Variants in ANO4 observed in about 807,000 individuals in gnomAD.
ANO4 encodes the protein anoctamin 4.
A neutral mutation model predicts 141.9 loss-of-function variants in ANO4; 69 were observed. That is an observed-to-expected ratio of 0.49 (90% CI 0.40 to 0.59). The LOEUF (loss-of-function observed/expected upper bound fraction) is 0.59, where lower values mean the gene tolerates loss of function less well. Among genes scored for constraint, ANO4 ranks in the 20% least tolerant of loss-of-function variants. ANO4 has a pLI of 0.00. For synonymous variants in ANO4, 350 were observed against 394.3 expected (o/e 0.89, Z 1.33); for missense variants, 894 against 1,162.2 (o/e 0.77, Z 3.36).
At chr12:100,837,833 ATTATTT>A (rs2037019483) in intron 1 of ANO4, among the ~76,000 whole-genome samples, 1 of 151,846 alleles carries the variant, frequency 6.6e-6, no homozygotes, top group Non-Finnish European at 1.5e-5. Flanking sequence ...GCTTCAACAG[ATTATTT>A]TTCTTTAGAT....
At chr12:100,976,603 G>T (rs2044206322) in intron 7 of ANO4, among the ~76,000 whole-genome samples, 1 of 152,204 alleles carries the variant, frequency 6.6e-6, no homozygotes, top group Non-Finnish European at 1.5e-5. Flanking sequence ...CAGTAGATCT[G>T]CAGTGGGGAT....
At chr12:101,114,162 C>T (rs2050765123) in intron 24 of ANO4, among the ~76,000 whole-genome samples, 1 of 152,176 alleles carries the variant, frequency 6.6e-6, no homozygotes, top group Non-Finnish European at 1.5e-5. Flanking sequence ...TGTGACCTTC[C>T]TGCTATAACA....
At chr12:100,970,770 G>A (rs1337930461) in intron 5 of ANO4, among the ~76,000 whole-genome samples, 1 of 148,368 alleles carries the variant, frequency 6.7e-6, no homozygotes, top group Non-Finnish European at 1.5e-5. Context: ...CCAGATTAGA[G>A]TGCAGTGGCA....
At chr12:100,854,858 AGTT>A (rs748799971) in intron 1 of ANO4, among the ~76,000 whole-genome samples, 48 of 151,888 alleles carry the variant, frequency 3.2e-4, no homozygotes, top group Admixed American at 1.4e-3. Context: ...AAGTTTTGAT[AGTT>A]GTTGTTTGTA....
intron 1 of ANO4, among the ~76,000 whole-genome samples, chr12:100,813,310 C>T (rs2135711624): frequency 6.6e-6 from 1 of 152,302 alleles, no homozygotes; most frequent in African/African-American, 2.4e-5. Context: ...GGGTGATCCT[C>T]TCCAAGGGCT....
intron 9 of ANO4, among the ~76,000 whole-genome samples, chr12:101,020,777 G>T (rs2046492903): frequency 6.6e-6 from 1 of 152,168 alleles, no homozygotes; most frequent in Non-Finnish European, 1.5e-5. Context: ...TTATGAGAAT[G>T]TGTCCATATT....
At chr12:100,974,736 C>A in intron 6 of ANO4, 109 bp from the exon 7 acceptor site, 1 of 1,192,784 alleles carries the variant, frequency 8.4e-7, no homozygotes, top group Non-Finnish European at 1.3e-6. Context: ...TTTTCTTCTT[C>A]ACCTCTTACA....
chr12:101,111,682 T>A lies in ANO4; in HGVS notation c.2422T>A (p.Cys808Ser). 6.2e-7 allele frequency: 1 copy of A among 1,606,054 alleles called. No individual in the cohort carries two copies. The highest frequency in any genetic ancestry group is 8.5e-7 in the Non-Finnish European group (1 of 1,176,844). Reference sequence around the variant, plus strand: ...GGTGTATGCTTATAAGTATGGACCTTGTGCAGGCCAAGGAGAAGCTGGGCA... The same window carrying A: ...GGTGTATGCTTATAAGTATGGACCTAGTGCAGGCCAAGGAGAAGCTGGGCA... Reference protein sequence around the residue: ...RLVYAYKYGPCAGQGEAGQKC... With the variant: ...RLVYAYKYGPSAGQGEAGQKC... The change falls in exon 24 of 28, where the codon TGT (cysteine) becomes AGT (serine). Residue 808 changes from cysteine to serine, a missense_variant. Transcript: ENST00000392977.
chr12:100,812,492 A>G (rs565050058), intron 1 of ANO4, among the ~76,000 whole-genome samples: 8 of 152,318 alleles, frequency 5.3e-5, no homozygotes, highest in African/African-American at 1.7e-4. Flanking sequence ...TACCTTATTC[A>G]TACATAATAA....
chr12:100,830,954 T>G (rs1021328322), intron 1 of ANO4, among the ~76,000 whole-genome samples: 2 of 152,086 alleles, frequency 1.3e-5, no homozygotes, highest in African/African-American at 4.8e-5. Context: ...CTGTCTCTTA[T>G]GGAAAGTAAG....
At position 100,814,142 on chromosome 12, in the gene ANO4, C is replaced by T. The variant is rs1052451979; in HGVS notation, c.-141+19115C>T. 5.9e-5 allele frequency among the ~76,000 whole-genome samples: 9 copies of T among 152,164 alleles called. No homozygotes were observed. In the South Asian group the frequency reaches 6.2e-4, roughly 11 times the overall value. ...ACCAAATAGGAAGATCTTTAATTCT[C>T]GAAAACGGTATACTATATACTCTGT... On this transcript the variant is annotated intron_variant, in intron 1 of 27. Coordinates refer to ENST00000392977, the MANE Select transcript of ANO4 (RefSeq NM_001286615.2).
intron 12 of ANO4, among the ~76,000 whole-genome samples, chr12:101,042,777 T>G (rs1289643548): frequency 6.6e-6 from 1 of 152,224 alleles, no homozygotes; most frequent in Non-Finnish European, 1.5e-5. Context: ...ACTTTTTTTC[T>G]TAGCTGATAC....
chr12:100,853,361 A>G (rs2037986573), intron 1 of ANO4, among the ~76,000 whole-genome samples: 1 of 151,976 alleles, frequency 6.6e-6, no homozygotes, highest in East Asian at 1.9e-4. Flanking sequence ...ATATTTCCTT[A>G]CTCCAACTTC....
chr12:100,809,780 C>T (rs2035284524), intron 1 of ANO4, among the ~76,000 whole-genome samples: 1 of 152,142 alleles, frequency 6.6e-6, no homozygotes, highest in Non-Finnish European at 1.5e-5. Context: ...CTACATAACT[C>T]TGGTAGCCAT....
chr12:100,764,211 A>G (rs2032988434), intron 3 of ANO4, among the ~76,000 whole-genome samples: 1 of 152,216 alleles, frequency 6.6e-6, no homozygotes, highest in African/African-American at 2.4e-5. Context: ...AAAGGCAGCT[A>G]ATATACAGTG....
chr12:100,948,077 C>T (rs1000017868), intron 5 of ANO4, among the ~76,000 whole-genome samples: 1 of 148,794 alleles, frequency 6.7e-6, no homozygotes, highest in African/African-American at 2.5e-5. Context: ...GCCTGTAGTC[C>T]CAGCTACTCG....
At chr12:101,086,863 G>A (rs750331851) in intron 17 of ANO4, 39 bp downstream of exon 17, 12 of 1,600,528 alleles carry the variant, frequency 7.5e-6, no homozygotes, top group African/African-American at 1.3e-5. Flanking sequence ...GGATCAAAAT[G>A]TGTGGGCTGC....
chr12:100,840,095 T>A (rs2037158092), intron 1 of ANO4, among the ~76,000 whole-genome samples: 1 of 150,202 alleles, frequency 6.7e-6, no homozygotes, highest in Non-Finnish European at 1.5e-5. Context: ...TGAAATTTTC[T>A]GACATGAAAA....
At chr12:100,902,179 T>C (rs2040625347) in intron 2 of ANO4, among the ~76,000 whole-genome samples, 1 of 152,174 alleles carries the variant, frequency 6.6e-6, no homozygotes, top group Non-Finnish European at 1.5e-5. Flanking sequence ...TAATTTGCTC[T>C]AAGATTGGTC....
Sources: gnomAD v4.1 joint callset for allele counts (sites outside exome capture counted in the v4.1 genomes callset) on GRCh38, gnomAD v4.1.1 for gene constraint, MANE v1.5 for transcripts, NCBI Gene and HGNC (gene_info 2026-07-23, HGNC 2026-07-21) for gene names.